The following PANX1 variants were observed in gnomAD, a reference collection of about 807,000 sequenced individuals.
PANX1 encodes the protein pannexin 1.
Under a neutral mutation model 38.7 loss-of-function variants are expected in PANX1, and 30 were observed. The observed-to-expected ratio is 0.78, with a 90% CI of 0.58 to 1.05. The LOEUF is 1.05. PANX1 is among the 50% of genes least tolerant of loss of function. The pLI is 0.00. For synonymous variants in PANX1, 230 were observed against 212.2 expected (o/e 1.08, Z -0.73); for missense variants, 551 against 517.2 (o/e 1.07, Z -0.63).
intron 1 of PANX1, among the ~76,000 whole-genome samples, chr11:94,142,551 C>T (rs1304150728): frequency 6.6e-6 from 1 of 152,204 alleles, no homozygotes; most frequent in Non-Finnish European, 1.5e-5. Flanking sequence ...GTTTTCCAAG[C>T]CTAGGTTCCC....
At chr11:94,175,082 G>C (rs1947217505) in intron 2 of PANX1, among the ~76,000 whole-genome samples, 1 of 151,702 alleles carries the variant, frequency 6.6e-6, no homozygotes, top group Non-Finnish European at 1.5e-5. Context: ...GGCCTAATGT[G>C]GAGTTGACAC....
At chr11:94,163,900 C>G (rs1270999834) in intron 2 of PANX1, among the ~76,000 whole-genome samples, 1 of 152,120 alleles carries the variant, frequency 6.6e-6, no homozygotes, top group Non-Finnish European at 1.5e-5. Flanking sequence ...TACTGCCTCT[C>G]CCTTGTTACT....
At chr11:94,129,626 CCA>C (rs1431361802) in intron 1 of PANX1, 133 bp downstream of exon 1, 2 of 768,254 alleles carry the variant, frequency 2.6e-6, no homozygotes, top group Non-Finnish European at 4.1e-6. Context: ...GGCAGTGGCC[CCA>C]GTTTTATGGT....
In PANX1 at chr11:94,179,639, A is replaced by G. The variant is rs762558444; in HGVS notation, c.583A>G (p.Ile195Val). The change falls in exon 4 of 5, where the codon ATT (isoleucine) becomes GTT (valine). Residue 195 changes from isoleucine to valine, a missense_variant. Physicochemically the swap from Ile to Val is conservative, Grantham distance 29. Transcript: ENST00000227638. ...EVSESHFKYPIVEQYLKTKKN... is the reference protein window; with the variant it reads ...EVSESHFKYPVVEQYLKTKKN... The stretch of plus-strand genomic sequence containing the variant: ...ATCTGAAAGCCACTTCAAGTACCCA[A>G]TTGTGGAGCAGTACTTGAAGACAAA... The G allele has an allele frequency of 3.7e-6, 6 of 1,613,474 alleles. No homozygotes were observed. In the South Asian group the frequency reaches 5.5e-5, roughly 15 times the overall value.
intron 1 of PANX1, among the ~76,000 whole-genome samples, chr11:94,136,767 C>CA (rs538380528): frequency 1.4e-3 from 206 of 148,590 alleles, no homozygotes; most frequent in Non-Finnish European, 2.0e-3. Context: ...GACTCCGTCT[C>CA]AAAAAAAAAG....
chr11:94,129,138 C>T lies in PANX1; in HGVS notation c.-175C>T, dbSNP rs1946592036. On this transcript the variant is annotated 5_prime_UTR_variant, in exon 1 of 5. Transcript: ENST00000227638. Reference sequence around the variant, plus strand: ...GGCGGAGGCAGCGAGCGCGAGAGCCCAGCGGAGTCGCTGGGAGCCTGAGGC... The same window carrying T: ...GGCGGAGGCAGCGAGCGCGAGAGCCTAGCGGAGTCGCTGGGAGCCTGAGGC... 3.9e-6 allele frequency: 2 copies of T among 512,254 alleles called. No homozygotes were observed. The highest frequency in any genetic ancestry group is 3.4e-6 in the Non-Finnish European group (1 of 295,530). 31.7% of individuals were successfully genotyped at this position (512,254 alleles called of 1,614,324 possible). A position where few individuals can be genotyped will look rare whatever the true frequency, so the allele number is the denominator to read the frequency against.
intron 1 of PANX1, among the ~76,000 whole-genome samples, chr11:94,149,699 A>G (rs932614287): frequency 1.3e-5 from 2 of 152,220 alleles, no homozygotes; most frequent in African/African-American, 2.4e-5. Context: ...CCTAGAAATT[A>G]TAGCACACAC....
At chr11:94,161,858 C>T (rs988764121) in intron 2 of PANX1, among the ~76,000 whole-genome samples, 1 of 151,968 alleles carries the variant, frequency 6.6e-6, no homozygotes, top group Non-Finnish European at 1.5e-5. Flanking sequence ...TTTTATCTAC[C>T]TTTGGTCTTT....
chr11:94,130,454 G>A (rs1485539240), intron 1 of PANX1, among the ~76,000 whole-genome samples: 2 of 152,222 alleles, frequency 1.3e-5, no homozygotes, highest in Admixed American at 6.5e-5. Flanking sequence ...TGGAGTCTGA[G>A]AGTGAATATG....
In PANX1 at chr11:94,179,941, G is replaced by GT. The variant is rs1277031144; in HGVS notation, c.888dup (p.Val297CysfsTer20). 6.2e-7 allele frequency: 1 copy of GT among 1,606,230 alleles called. No homozygotes were observed. The highest frequency in any genetic ancestry group is 1.1e-5 in the South Asian group (1 of 90,222). The stretch of plus-strand genomic sequence containing the variant: ...TGGCTCCCGTGGTTGTCTACACGCT[G>GT]TTTGTTCCATTCCGACAGAAGACAG... On this transcript the variant is annotated frameshift_variant, in exon 4 of 5. Transcript: ENST00000227638. LOFTEE classifies it high-confidence loss of function.
intron 1 of PANX1, among the ~76,000 whole-genome samples, chr11:94,144,512 G>A (rs930683093): frequency 2.4e-4 from 36 of 152,080 alleles, no homozygotes; most frequent in African/African-American, 7.0e-4. Flanking sequence ...AGCCTTAGGC[G>A]CTCTGGGTGG....
rs1446442693 is a variant in PANX1, at chr11:94,129,234, G to T, written c.-79G>T. The T allele has an allele frequency of 3.8e-6, 5 of 1,301,304 alleles. No individual in the cohort carries two copies. The South Asian group carries it at 5.7e-5, about 15-fold the overall frequency. The allele number at this position is 1,301,304 out of a possible 1,614,324, so 80.6% of individuals were successfully genotyped here. ...AGCGAAAGCCGCGCGCCCGGCCGGT[G>T]ACTGGGTGAAGGCGCCGCGCAGCTT... is the stretch of plus-strand genomic sequence containing the variant. On this transcript the variant is annotated 5_prime_UTR_variant, in exon 1 of 5. Transcript: ENST00000227638.
chr11:94,161,834 C>A (rs1947041277), intron 2 of PANX1, among the ~76,000 whole-genome samples: 1 of 152,130 alleles, frequency 6.6e-6, no homozygotes, highest in African/African-American at 2.4e-5. Context: ...TCTGTTTTTT[C>A]CCCATCTTTG....
At chr11:94,133,851 G>A (rs1946657442) in intron 1 of PANX1, among the ~76,000 whole-genome samples, 1 of 152,190 alleles carries the variant, frequency 6.6e-6, no homozygotes, top group African/African-American at 2.4e-5. Flanking sequence ...ATTTAGTGAA[G>A]GAAGTGCCAG....
intron 2 of PANX1, among the ~76,000 whole-genome samples, chr11:94,154,850 C>A (rs148429222): frequency 1.6e-3 from 241 of 152,232 alleles, no homozygotes; most frequent in Non-Finnish European, 3.0e-3. Context: ...TGTATTCTTA[C>A]AATAAGCTAG....
At chr11:94,135,474 G>T (rs1043449401) in intron 1 of PANX1, among the ~76,000 whole-genome samples, 1 of 152,194 alleles carries the variant, frequency 6.6e-6, no homozygotes, top group Non-Finnish European at 1.5e-5. Context: ...TCTTCAGGCT[G>T]CTTTTTAGCA....
In PANX1 at chr11:94,180,053, C is replaced by A; in HGVS notation, c.997C>A (p.Leu333Ile). ...EGYNDLSLYN[L>I]FLEENISEVK... The stretch of plus-strand genomic sequence containing the variant: ...GTACAACGATTTGAGCCTCTACAAT[C>A]TCTTCTTGGAGGAAAATATAAGTGA... The change falls in exon 4 of 5, where the codon CTC (leucine) becomes ATC (isoleucine). Residue 333 changes from leucine to isoleucine, a missense_variant. By Grantham distance (5) the Leu-to-Ile change is conservative (BLOSUM62 2). Transcript: ENST00000227638. 1.2e-6 allele frequency: 2 copies of A among 1,611,448 alleles called. No homozygotes were observed. Among genetic ancestry groups the A allele is most frequent in the South Asian group, 1.1e-5 (1 of 90,748 alleles).
intron 2 of PANX1, chr11:94,176,034 C>A: frequency 2.8e-6 from 1 of 354,630 alleles, no homozygotes; most frequent in Non-Finnish European, 3.9e-6. Flanking sequence ...ATTTTTTATT[C>A]ACTTCCAAAT....
At position 94,180,907 on chromosome 11, in the gene PANX1, C is replaced by T. The variant is rs749370983; in HGVS notation, c.*38C>T. The T allele has an allele frequency of 4.5e-5, 54 of 1,187,456 alleles. No homozygotes were observed. The highest frequency in any genetic ancestry group is 4.1e-4 in the South Asian group (34 of 82,480). The allele number at this position is 1,187,456 out of a possible 1,614,324, so 73.6% of individuals were successfully genotyped here. A position where few individuals can be genotyped will look rare whatever the true frequency, so the allele number is the denominator to read the frequency against. On this transcript the variant is annotated 3_prime_UTR_variant, in exon 5 of 5. Coordinates refer to ENST00000227638, the MANE Select transcript of PANX1 (RefSeq NM_015368.4). ...TTGAGCTGTAAATCTGTGACTTCTG[C>T]GACATGGGATTTAATTTGGCTAAAG...
Sources: gnomAD v4.1 joint callset for allele counts (sites outside exome capture counted in the v4.1 genomes callset) on GRCh38, gnomAD v4.1.1 for gene constraint, MANE v1.5 for transcripts, NCBI Gene and HGNC (gene_info 2026-07-23, HGNC 2026-07-21) for gene names.